Variants in GRM8 observed in about 807,000 individuals in gnomAD.
GRM8 encodes the protein glutamate metabotropic receptor 8.
GRM8 carries 47 observed loss-of-function variants against 87.2 expected under a neutral mutation model. That is an observed-to-expected ratio of 0.54 (90% CI 0.43 to 0.69). The LOEUF is 0.69. Ranked by LOEUF, GRM8 falls within the 30% of genes least tolerant of loss-of-function variation. The pLI is 0.00. For synonymous variants in GRM8, 396 were observed against 404.5 expected (o/e 0.98, Z 0.25); for missense variants, 1,019 against 1,139.2 (o/e 0.89, Z 1.52).
intron 6 of GRM8, among the ~76,000 whole-genome samples, chr7:126,770,648 A>C (rs774046871): frequency 6.6e-6 from 1 of 152,100 alleles, no homozygotes; most frequent in African/African-American, 2.4e-5. Context: ...AAAGATGTAG[A>C]TACCTCAAAA....
At chr7:126,777,899 C>G (rs1819645688) in intron 6 of GRM8, among the ~76,000 whole-genome samples, 1 of 152,024 alleles carries the variant, frequency 6.6e-6, no homozygotes, top group Non-Finnish European at 1.5e-5. Context: ...TGATAAAGAC[C>G]AACGCTAATA....
intron 7 of GRM8, among the ~76,000 whole-genome samples, chr7:126,674,080 C>T (rs999629600): frequency 1.3e-5 from 2 of 152,148 alleles, no homozygotes; most frequent in South Asian, 2.1e-4. Context: ...CAATCTCTTC[C>T]GATTCTTATT....
At chr7:126,930,830 T>C (rs1805686028) in intron 3 of GRM8, among the ~76,000 whole-genome samples, 1 of 152,210 alleles carries the variant, frequency 6.6e-6, no homozygotes, top group Non-Finnish European at 1.5e-5. Flanking sequence ...TATTTTGTAT[T>C]CATAATCCTT....
At chr7:126,451,208 A>G (rs1032735708) in intron 9 of GRM8, among the ~76,000 whole-genome samples, 8 of 151,730 alleles carry the variant, frequency 5.3e-5, no homozygotes, top group Non-Finnish European at 1.2e-4. Flanking sequence ...CTGAAACTTA[A>G]CAAGCCTCTG....
At chr7:126,822,846 C>T (rs1794427775) in intron 6 of GRM8, among the ~76,000 whole-genome samples, 1 of 152,198 alleles carries the variant, frequency 6.6e-6, no homozygotes, top group Admixed American at 6.5e-5. Flanking sequence ...TCTGGTTTTA[C>T]TTGCTATCCA....
At chr7:127,076,282 G>GTAA (rs1822253792) in intron 3 of GRM8, 2 of 449,128 alleles carry the variant, frequency 4.5e-6, no homozygotes, top group Admixed American at 2.4e-5. Flanking sequence ...TTTTAATGCT[G>GTAA]TAATATACAT....
intron 3 of GRM8, among the ~76,000 whole-genome samples, chr7:127,062,099 G>C (rs1016295458): frequency 1.3e-5 from 2 of 150,130 alleles, no homozygotes; most frequent in African/African-American, 4.9e-5. Flanking sequence ...AGCCGATATC[G>C]TGCCACTGCA....
At chr7:126,450,555 T>C (rs1802505594) in intron 9 of GRM8, among the ~76,000 whole-genome samples, 1 of 151,678 alleles carries the variant, frequency 6.6e-6, no homozygotes, top group Non-Finnish European at 1.5e-5. Flanking sequence ...GAAACTTGCA[T>C]CAAAAAATGG....
At chr7:126,655,112 A>G (rs1804361871) in intron 7 of GRM8, among the ~76,000 whole-genome samples, 1 of 152,236 alleles carries the variant, frequency 6.6e-6, no homozygotes, top group East Asian at 1.9e-4. Context: ...TTCAGGAAGA[A>G]AATGTGATTG....
At chr7:126,738,823 G>A (rs768110636) in intron 7 of GRM8, among the ~76,000 whole-genome samples, 3 of 150,356 alleles carry the variant, frequency 2.0e-5, no homozygotes, top group Non-Finnish European at 4.4e-5. Context: ...TAGAAGAGGA[G>A]AAGGAAAAGA....
At position 126,680,212 on chromosome 7, in the gene GRM8, A is replaced by T. The variant is rs116105220; in HGVS notation, c.1358-70714T>A. On this transcript the variant is annotated intron_variant, in intron 7 of 10. Transcript: ENST00000339582. ...TTATTTATGGTGCACGAACTATGAG[A>T]TTATGAATAGAAAACTGTCAATCTC... 8.0e-3 allele frequency among the ~76,000 whole-genome samples: 1,216 copies of T among 152,238 alleles called. 17 individuals carry two copies. Among genetic ancestry groups the T allele is most frequent in the African/African-American group, 0.028 (1,147 of 41,520 alleles).
At chr7:127,130,137 T>C (rs1041692182) in intron 2 of GRM8, among the ~76,000 whole-genome samples, 2 of 152,196 alleles carry the variant, frequency 1.3e-5, no homozygotes, top group African/African-American at 4.8e-5. Flanking sequence ...AGAAGCATCA[T>C]GACTGTAAGT....
At chr7:126,766,945 T>C (rs151292735) in intron 7 of GRM8, among the ~76,000 whole-genome samples, 3 of 152,314 alleles carry the variant, frequency 2.0e-5, no homozygotes, top group Admixed American at 2.0e-4. Flanking sequence ...ATTAAATCCC[T>C]GCGAAGAGCA....
intron 2 of GRM8, among the ~76,000 whole-genome samples, chr7:127,177,048 G>C (rs1794150017): frequency 2.0e-5 from 3 of 152,144 alleles, no homozygotes; most frequent in South Asian, 2.1e-4. Flanking sequence ...GACTCCACAG[G>C]CAGGGGAAAA....
intron 6 of GRM8, among the ~76,000 whole-genome samples, chr7:126,812,853 C>A (rs996392088): frequency 1.3e-5 from 2 of 151,992 alleles, no homozygotes; most frequent in Non-Finnish European, 2.9e-5. Flanking sequence ...GCTTTGCAAC[C>A]AAGGAGGTTT....
chr7:127,032,869 T>G (rs1350516673), intron 3 of GRM8, among the ~76,000 whole-genome samples: 2 of 152,082 alleles, frequency 1.3e-5, no homozygotes, highest in Non-Finnish European at 2.9e-5. Flanking sequence ...TGTTGTTATT[T>G]CTACTAAATG....
intron 3 of GRM8, among the ~76,000 whole-genome samples, chr7:127,102,136 C>T (rs1175630755): frequency 2.0e-5 from 3 of 152,186 alleles, no homozygotes; most frequent in African/African-American, 7.2e-5. Flanking sequence ...TGCAGCAAAG[C>T]ATTCAAAATG....
chr7:127,065,365 G>C (rs1018305061), intron 3 of GRM8, among the ~76,000 whole-genome samples: 5 of 152,178 alleles, frequency 3.3e-5, no homozygotes. Context: ...GAGGCTACTT[G>C]AGGTGAGAGA....
At chr7:126,968,438 T>C (rs548048970) in intron 3 of GRM8, among the ~76,000 whole-genome samples, 32 of 152,296 alleles carry the variant, frequency 2.1e-4, no homozygotes, top group African/African-American at 7.0e-4. Flanking sequence ...ACAGCCAAGT[T>C]TGAAACCAAA....
Sources: gnomAD v4.1 joint callset for allele counts (sites outside exome capture counted in the v4.1 genomes callset) on GRCh38, gnomAD v4.1.1 for gene constraint, MANE v1.5 for transcripts, NCBI Gene and HGNC (gene_info 2026-07-23, HGNC 2026-07-21) for gene names.